Variants in CELF1 observed in about 807,000 individuals in gnomAD.
The protein encoded by CELF1 is CUGBP Elav-like family member 1.
CELF1 carries 10 observed loss-of-function variants against 61.8 expected under a neutral mutation model. The ratio of observed to expected loss-of-function variants is 0.16; its 90% CI spans 0.10 to 0.27. The LOEUF (loss-of-function observed/expected upper bound fraction) is 0.27, where lower values mean the gene tolerates loss of function less well. CELF1 is among the 10% of genes least tolerant of loss of function. CELF1 has a pLI of 1.00. For synonymous variants in CELF1, 236 were observed against 225.1 expected, an observed-to-expected ratio of 1.05 and a Z score of -0.43; for missense variants, 380 against 639.1, an observed-to-expected ratio of 0.59 and a Z score of 4.37.
At chr11:47,529,643 A>T (rs1310995248) in intron 1 of CELF1, among the ~76,000 whole-genome samples, 1 of 151,846 alleles carries the variant, frequency 6.6e-6, no homozygotes, top group Non-Finnish European at 1.5e-5. Context: ...TAGGCAACAC[A>T]GCGAGACTCC....
chr11:47,494,383 G>A (rs764971356), intron 3 of CELF1: 8 of 984,022 alleles, frequency 8.1e-6, no homozygotes, highest in Non-Finnish European at 9.7e-6. Context: ...TTAAGAATGA[G>A]CAACTATGAA....
At chr11:47,475,671 T>C (rs1303022813) in intron 12 of CELF1, 150 bp from the exon 13 acceptor site, 1 of 745,514 alleles carries the variant, frequency 1.3e-6, no homozygotes, top group African/African-American at 1.8e-5. Flanking sequence ...ACTATCTGAC[T>C]GGCTAGATTT....
intron 3 of CELF1, among the ~76,000 whole-genome samples, chr11:47,495,579 A>G (rs2092932215): frequency 6.6e-6 from 1 of 152,166 alleles, no homozygotes; most frequent in Non-Finnish European, 1.5e-5. Context: ...TGTGAAGGGG[A>G]GGGAGAAGGG....
At chr11:47,481,992 C>T (rs1263274148) in intron 9 of CELF1, among the ~76,000 whole-genome samples, 2 of 152,148 alleles carry the variant, frequency 1.3e-5, no homozygotes, top group African/African-American at 2.4e-5. Context: ...CACCTGAGGT[C>T]GTGAGTTCGA....
intron 3 of CELF1, chr11:47,495,873 T>C: frequency 2.1e-6 from 1 of 479,284 alleles, no homozygotes; most frequent in Non-Finnish European, 2.7e-6. Flanking sequence ...CATTATTTTT[T>C]CACTCCCCCT....
At chr11:47,527,877 C>T (rs941471382) in intron 1 of CELF1, among the ~76,000 whole-genome samples, 5 of 151,976 alleles carry the variant, frequency 3.3e-5, no homozygotes, top group Admixed American at 2.0e-4. Context: ...AGGTGGATCA[C>T]CTGAGGTGAG....
At position 47,488,826 on chromosome 11, in the gene CELF1, A is replaced by C; in HGVS notation, c.259+11T>G. 1 of 1,455,916 alleles carries C rather than the reference A, an allele frequency of 6.9e-7. No individual in the cohort carries two copies. Among genetic ancestry groups the C allele is most frequent in the South Asian group, 1.5e-5 (1 of 66,370 alleles). 90.2% of individuals were successfully genotyped at this position (1,455,916 alleles called of 1,614,324 possible). ...GAAAAAATAAGATAAACCAAAACCC[A>C]AAGCCCTAACCTTTGCTCTGAGGCG... On this transcript the variant is annotated intron_variant, in intron 4 of 14. Transcript: ENST00000687097.
At chr11:47,501,738 G>C (rs1253128257) in intron 1 of CELF1, among the ~76,000 whole-genome samples, 1 of 152,060 alleles carries the variant, frequency 6.6e-6, no homozygotes, top group Admixed American at 6.5e-5. Context: ...CAGGAGAATA[G>C]CTTGAACCCA....
At chr11:47,565,507 C>G, upstream of CELF1, 1 of 935,482 alleles carries the variant, frequency 1.1e-6, no homozygotes, top group Non-Finnish European at 1.4e-6. Context: ...TCACCCGGTG[C>G]GAGCCCGCGA....
intron 3 of CELF1, chr11:47,494,458 A>G (rs2092659644): frequency 1.0e-6 from 1 of 983,170 alleles, no homozygotes; most frequent in Non-Finnish European, 1.2e-6. Context: ...GAGAAAATAC[A>G]ATAGGGATAC....
intron 9 of CELF1, 137 bp downstream of exon 9, chr11:47,482,558 G>T: frequency 1.4e-6 from 1 of 720,468 alleles, no homozygotes. Flanking sequence ...AAAAGAAATA[G>T]TACTACCTGA....
chr11:47,519,264 G>C (rs191087382), intron 1 of CELF1, among the ~76,000 whole-genome samples: 2 of 152,212 alleles, frequency 1.3e-5, no homozygotes, highest in Non-Finnish European at 2.9e-5. Flanking sequence ...TGGATCACTT[G>C]AGGTCAGAGT....
Position 47,546,425 on chromosome 11 carries a change from C to G in CELF1, c.-154+6567G>C, listed in dbSNP as rs186242553. The stretch of plus-strand genomic sequence containing the variant: ...GGGATTACAGGCATGCGCCACCACA[C>G]CTGGCTAATTGTGTATTTTTGGCAG... On this transcript the variant is annotated intron_variant, in intron 1 of 14. Transcript: ENST00000687097. 2.7e-3 allele frequency among the ~76,000 whole-genome samples: 406 copies of G among 152,048 alleles called. 1 individual carries two copies. Among genetic ancestry groups the G allele is most frequent in the South Asian group, 9.4e-3 (45 of 4,808 alleles).
chr11:47,490,931 G>A (rs2091150731), intron 3 of CELF1, among the ~76,000 whole-genome samples: 1 of 148,318 alleles, frequency 6.7e-6, no homozygotes. Context: ...GTGCCATCTC[G>A]GCTCACTGCA....
At position 47,487,230 on chromosome 11, in the gene CELF1, C is replaced by G; in HGVS notation, c.271G>C (p.Val91Leu). 6.2e-7 allele frequency: 1 copy of G among 1,610,822 alleles called. No individual in the cohort carries two copies. Among genetic ancestry groups the G allele is most frequent in the Non-Finnish European group, 8.5e-7 (1 of 1,178,884 alleles). The change falls in exon 5 of 15, where the codon GTT becomes CTT. Residue 91 changes from valine (V) to leucine (L), a missense_variant. Physicochemically the swap from Val to Leu is conservative, Grantham distance 32 (BLOSUM62 1). Transcript: ENST00000687097. Reference sequence around the variant, plus strand: ...GCAGCTTTACGGGTGTAAAATGTAACAAAACAGCACCCTGCAATAAATAAG... The same window carrying G: ...GCAGCTTTACGGGTGTAAAATGTAAGAAAACAGCACCCTGCAATAAATAAG... ...NPPQSKGCCF[V>L]TFYTRKAALE...
intron 1 of CELF1, among the ~76,000 whole-genome samples, chr11:47,533,678 C>G (rs955589483): frequency 7.0e-6 from 1 of 142,074 alleles, no homozygotes; most frequent in East Asian, 2.1e-4. Flanking sequence ...AGCATGGTGG[C>G]GGGCACTTGC....
intron 1 of CELF1, among the ~76,000 whole-genome samples, chr11:47,552,495 AGGGG>A (rs2097165292): frequency 6.6e-6 from 1 of 152,202 alleles, no homozygotes; most frequent in Non-Finnish European, 1.5e-5. Context: ...GCGAGGAACG[AGGGG>A]CTCTCGAGGC....
chr11:47,473,637 T>C (rs182524765), intron 13 of CELF1, among the ~76,000 whole-genome samples: 2 of 152,156 alleles, frequency 1.3e-5, no homozygotes, highest in East Asian at 1.9e-4. Flanking sequence ...AGCAAACAGA[T>C]TGGTAGTTGC....
chr11:47,511,883 C>G (rs1204875768), intron 1 of CELF1, among the ~76,000 whole-genome samples: 2 of 152,284 alleles, frequency 1.3e-5, no homozygotes, highest in East Asian at 3.9e-4. Flanking sequence ...GAGTCTCTCT[C>G]TCTTTTCCAG....
Sources: gnomAD v4.1 joint callset for allele counts (sites outside exome capture counted in the v4.1 genomes callset) on GRCh38, gnomAD v4.1.1 for gene constraint, MANE v1.5 for transcripts, NCBI Gene and HGNC (gene_info 2026-07-23, HGNC 2026-07-21) for gene names.